WDR7: variants seen among roughly 807,000 people sequenced by gnomAD.
WDR7 encodes the protein WD repeat-containing protein 7.
WDR7 carries 46 observed loss-of-function variants against 169.4 expected under a neutral mutation model. The observed-to-expected ratio is 0.27, with a 90% confidence interval of 0.21 to 0.35. The LOEUF (loss-of-function observed/expected upper bound fraction) is 0.35, where lower values mean the gene tolerates loss of function less well. Ranked by LOEUF, WDR7 falls within the 10% of genes least tolerant of loss-of-function variation. WDR7 has a pLI of 1.00. For missense variants in WDR7, 1,534 were observed against 1,859.3 expected, an observed-to-expected ratio of 0.83 and a Z score of 3.22; for synonymous variants, 612 against 666.8, an observed-to-expected ratio of 0.92 and a Z score of 1.27.
chr18:56,889,047 G>C (rs2046232819), intron 21 of WDR7, among the ~76,000 whole-genome samples: 1 of 152,122 alleles, frequency 6.6e-6, no homozygotes, highest in Admixed American at 6.5e-5. Context: ...AAAAGGGTTG[G>C]GAGGCCTAGG....
At chr18:57,022,677 T>G (rs1441166480) in intron 27 of WDR7, among the ~76,000 whole-genome samples, 2 of 152,248 alleles carry the variant, frequency 1.3e-5, no homozygotes, top group Non-Finnish European at 2.9e-5. Context: ...TTGGATATGC[T>G]CATCCCTTCC....
At position 56,758,931 on chromosome 18, in the gene WDR7, T is replaced by G. The variant is rs2043941382; in HGVS notation, c.2826T>G (p.Ile942Met). ...ARGSPPTSSN[I>M]VQGQIKQVAA... The stretch of plus-strand genomic sequence containing the variant: ...GTTCCCCTCCAACTTCCAGTAATAT[T>G]GTGCAAGGACAGATTAAACAAGGTA... The change falls in exon 16 of 28, where the codon ATT (isoleucine) becomes ATG (methionine). Residue 942 changes from isoleucine to methionine, a missense_variant. Coordinates refer to ENST00000254442, the MANE Select transcript of WDR7 (RefSeq NM_015285.3). The G allele has an allele frequency of 6.2e-7, 1 of 1,613,246 alleles. No individual in the cohort carries two copies. The highest frequency in any genetic ancestry group is 1.7e-4 in the Middle Eastern group (1 of 6,058).
At chr18:56,743,648 T>C (rs1238063585) in intron 14 of WDR7, among the ~76,000 whole-genome samples, 1 of 151,590 alleles carries the variant, frequency 6.6e-6, no homozygotes, top group Non-Finnish European at 1.5e-5. Context: ...AGTTAAGGAG[T>C]GAAAGGAAAG....
intron 21 of WDR7, among the ~76,000 whole-genome samples, chr18:56,894,869 A>G (rs1168501472): frequency 6.6e-6 from 1 of 152,156 alleles, no homozygotes; most frequent in Non-Finnish European, 1.5e-5. Flanking sequence ...GGTATGATAT[A>G]TTGTCCAATA....
At chr18:56,717,520 T>G (rs8093133) in intron 12 of WDR7, among the ~76,000 whole-genome samples, 5,639 of 152,176 alleles carry the variant, frequency 0.037, 307 homozygotes, top group African/African-American at 0.12. Context: ...TTGTTTTTGA[T>G]CAAAGGTGCA....
chr18:56,959,584 A>G (rs1349762903), intron 25 of WDR7, among the ~76,000 whole-genome samples: 1 of 152,136 alleles, frequency 6.6e-6, no homozygotes, highest in Non-Finnish European at 1.5e-5. Flanking sequence ...CATGTTATCA[A>G]CACAGTGAAC....
intron 14 of WDR7, among the ~76,000 whole-genome samples, chr18:56,739,707 TG>T (rs1249788028): frequency 6.6e-6 from 1 of 152,072 alleles, no homozygotes; most frequent in African/African-American, 2.4e-5. Flanking sequence ...TTTAGGTTGG[TG>T]GTCTTTTGCA....
chr18:56,682,527 A>T, intron 4 of WDR7, 152 bp from the exon 5 acceptor site: 1 of 772,872 alleles, frequency 1.3e-6, no homozygotes, highest in Non-Finnish European at 2.0e-6. Flanking sequence ...ACACCCATAT[A>T]ATATGTACCA....
In WDR7 at chr18:57,029,193, C is replaced by T. The variant is rs1485159740; in HGVS notation, c.*1986C>T. ...TGTGAGAGTGGTAGGCAGCCTGCCG[C>T]AAACACACGGATGGCTCCCCCCGCC... On this transcript the variant is annotated 3_prime_UTR_variant, in exon 28 of 28. Transcript: ENST00000254442. 1 of 152,046 alleles carries T rather than the reference C, an allele frequency of 6.6e-6. No individual in the cohort carries two copies. Among genetic ancestry groups the T allele is most frequent in the Non-Finnish European group, 1.5e-5 (1 of 68,008 alleles). The allele number at this position is 152,046 out of a possible 1,614,324, so 9.4% of individuals were successfully genotyped here.
chr18:56,779,521 C>G lies in WDR7; in HGVS notation c.3038C>G (p.Ala1013Gly). 6.2e-7 allele frequency: 1 copy of G among 1,613,828 alleles called. No individual in the cohort carries two copies. Among genetic ancestry groups the G allele is most frequent in the Middle Eastern group, 1.6e-4 (1 of 6,062 alleles). ...KFRPPLLEML[A>G]RRWQDRCLEV... ...AGGCCTCCCCTTCTGGAGATGCTGG[C>G]CCGAAGATGGCAAGATCGATGCTTG... Residue 1013 changes from alanine (A) to glycine (G), a missense_variant, in exon 18 of 28, where the codon GCC becomes GGC. Transcript: ENST00000254442.
At chr18:56,960,008 G>T (rs1006601487) in intron 25 of WDR7, among the ~76,000 whole-genome samples, 9 of 152,154 alleles carry the variant, frequency 5.9e-5, no homozygotes, top group Non-Finnish European at 1.2e-4. Context: ...CTTTTGTTAA[G>T]AGAGCCACTG....
chr18:56,696,874 C>T (rs577930899), intron 12 of WDR7, among the ~76,000 whole-genome samples: 7 of 152,212 alleles, frequency 4.6e-5, no homozygotes, highest in South Asian at 2.1e-4. Flanking sequence ...AAATACTTAT[C>T]GATAGAGTTC....
intron 25 of WDR7, among the ~76,000 whole-genome samples, chr18:56,939,847 T>C (rs565490669): frequency 1.3e-5 from 2 of 152,014 alleles, no homozygotes; most frequent in Non-Finnish European, 2.9e-5. Context: ...GTTTTCCTTA[T>C]GAGAAAGCAG....
chr18:56,826,981 A>C (rs1414305174), intron 20 of WDR7, among the ~76,000 whole-genome samples: 1 of 152,238 alleles, frequency 6.6e-6, no homozygotes, highest in Non-Finnish European at 1.5e-5. Context: ...CACAGATGAC[A>C]TATATGTGCA....
intron 26 of WDR7, among the ~76,000 whole-genome samples, chr18:56,994,263 A>G (rs1359673309): frequency 6.6e-6 from 1 of 151,954 alleles, no homozygotes; most frequent in Non-Finnish European, 1.5e-5. Context: ...AGCTCAAGCG[A>G]TTTGCCTGCC....
chr18:56,927,268 C>T (rs1039535085), intron 22 of WDR7, among the ~76,000 whole-genome samples: 4 of 152,036 alleles, frequency 2.6e-5, no homozygotes, highest in Non-Finnish European at 4.4e-5. Flanking sequence ...GCTGAGCTGA[C>T]TCCTAAGAGG....
chr18:57,005,985 A>G (rs1054218546), intron 26 of WDR7, among the ~76,000 whole-genome samples: 3 of 152,236 alleles, frequency 2.0e-5, no homozygotes, highest in Admixed American at 6.5e-5. Flanking sequence ...GTTCATATAT[A>G]AAGTCTTTTA....
chr18:56,905,876 A>G (rs2046469890), intron 21 of WDR7, among the ~76,000 whole-genome samples: 1 of 152,162 alleles, frequency 6.6e-6, no homozygotes, highest in Non-Finnish European at 1.5e-5. Flanking sequence ...CATAAACCTC[A>G]GTGTCATTTT....
chr18:56,947,313 G>T (rs1016391617), intron 25 of WDR7, among the ~76,000 whole-genome samples: 9 of 152,168 alleles, frequency 5.9e-5, no homozygotes, highest in African/African-American at 1.9e-4. Context: ...TTCTTTCCCA[G>T]CTGGGCCTTG....
Sources: allele counts gnomAD v4.1 joint callset (sites outside exome capture counted in the v4.1 genomes callset), GRCh38; gene constraint gnomAD v4.1.1; transcripts MANE v1.5; gene names NCBI Gene and HGNC (gene_info 2026-07-23, HGNC 2026-07-21).